The following KLHL1 variants were observed in gnomAD, a reference collection of about 807,000 sequenced individuals.
KLHL1 encodes kelch-like protein 1.
Under a neutral mutation model 77.7 loss-of-function variants are expected in KLHL1, and 47 were observed. The observed-to-expected ratio is 0.60, with a 90% CI of 0.48 to 0.77. The LOEUF is 0.77. KLHL1 is among the 30% of genes least tolerant of loss of function. KLHL1 has a pLI of 0.00. For missense variants in KLHL1, 925 were observed against 910.8 expected (o/e 1.02, Z -0.20); for synonymous variants, 360 against 325.2 (o/e 1.11, Z -1.15).
chr13:69,961,727 T>C (rs1031505278), intron 2 of KLHL1, among the ~76,000 whole-genome samples: 5 of 152,046 alleles, frequency 3.3e-5, no homozygotes, highest in African/African-American at 1.2e-4. Flanking sequence ...TAGTTTTCTT[T>C]ATGTAATGAC....
intron 3 of KLHL1, among the ~76,000 whole-genome samples, chr13:69,954,192 G>T (rs1173929367): frequency 6.6e-6 from 1 of 151,156 alleles, no homozygotes; most frequent in East Asian, 1.9e-4. Context: ...CACACTGAGT[G>T]GTAGTTGCAT....
chr13:69,739,457 C>G (rs896147377), intron 8 of KLHL1, among the ~76,000 whole-genome samples: 1 of 152,128 alleles, frequency 6.6e-6, no homozygotes, highest in Non-Finnish European at 1.5e-5. Flanking sequence ...CACAGAATGG[C>G]AAGCTGGATA....
At chr13:70,006,517 T>TC (rs899650722) in intron 1 of KLHL1, among the ~76,000 whole-genome samples, 9 of 151,516 alleles carry the variant, frequency 5.9e-5, no homozygotes, top group Admixed American at 2.0e-4. Flanking sequence ...TTTTTTTTTT[T>TC]CAAAGAGTTT....
At chr13:69,919,599 TG>T (rs1238190185) in intron 4 of KLHL1, among the ~76,000 whole-genome samples, 1 of 152,068 alleles carries the variant, frequency 6.6e-6, no homozygotes, top group African/African-American at 2.4e-5. Flanking sequence ...GCAACTAGTA[TG>T]GCCAGCCTTG....
intron 1 of KLHL1, among the ~76,000 whole-genome samples, chr13:69,992,522 A>G (rs1372039575): frequency 6.6e-6 from 1 of 152,076 alleles, no homozygotes; most frequent in African/African-American, 2.4e-5. Context: ...CGGATGGTTG[A>G]TGTTACTACA....
intron 4 of KLHL1, among the ~76,000 whole-genome samples, chr13:69,929,777 G>A (rs569681940): frequency 1.3e-5 from 2 of 151,694 alleles, no homozygotes; most frequent in South Asian, 2.1e-4. Flanking sequence ...CTATTTGCAC[G>A]GGATTATGGG....
intron 5 of KLHL1, among the ~76,000 whole-genome samples, chr13:69,850,425 C>A (rs1593886312): frequency 1.3e-5 from 2 of 151,588 alleles, no homozygotes; most frequent in Middle Eastern, 6.8e-3. Context: ...TCTCTTTGGT[C>A]AACCTCACAT....
At chr13:69,756,775 A>G (rs895830633) in intron 7 of KLHL1, among the ~76,000 whole-genome samples, 3 of 152,202 alleles carry the variant, frequency 2.0e-5, no homozygotes, top group African/African-American at 7.2e-5. Context: ...AGAAACAATT[A>G]TAACTAAATG....
intron 1 of KLHL1, among the ~76,000 whole-genome samples, chr13:70,093,508 G>GA (rs1461733288): frequency 6.6e-6 from 1 of 151,930 alleles, no homozygotes; most frequent in Admixed American, 6.6e-5. Flanking sequence ...GCACTTTAAA[G>GA]AAAAAATATC....
intron 6 of KLHL1, among the ~76,000 whole-genome samples, chr13:69,814,935 C>T (rs1448058511): frequency 3.3e-5 from 5 of 152,002 alleles, no homozygotes; most frequent in Admixed American, 2.0e-4. Context: ...TGCTTGAACC[C>T]AGGAGGCGGA....
chr13:69,790,368 G>T (rs1214954889), intron 7 of KLHL1, among the ~76,000 whole-genome samples: 1 of 152,160 alleles, frequency 6.6e-6, no homozygotes. Context: ...CTCCTTCTCT[G>T]TAATGTTGTG....
intron 9 of KLHL1, among the ~76,000 whole-genome samples, chr13:69,712,399 A>T (rs549601968): frequency 6.6e-6 from 1 of 152,204 alleles, no homozygotes; most frequent in Admixed American, 6.6e-5. Context: ...AATTTTCCAC[A>T]TGAGATATCC....
chr13:69,800,039 C>T (rs191350520), intron 6 of KLHL1, among the ~76,000 whole-genome samples: 30 of 152,198 alleles, frequency 2.0e-4, no homozygotes, highest in Non-Finnish European at 4.4e-5. Context: ...CCCCACTCTC[C>T]GACCCCTGTC....
chr13:69,997,076 C>G (rs1405847876), intron 1 of KLHL1, among the ~76,000 whole-genome samples: 2 of 151,010 alleles, frequency 1.3e-5, no homozygotes, highest in African/African-American at 4.9e-5. Flanking sequence ...CAAAAATTAG[C>G]TGGATGTGGT....
rs143901855 is a variant in KLHL1 at position 69,827,921 on chromosome 13, T to C, written c.1414+11055A>G. 5.6e-3 allele frequency among the ~76,000 whole-genome samples: 838 copies of C among 150,356 alleles called. 72 individuals carry two copies. The highest frequency in any genetic ancestry group is 0.019 in the African/African-American group (773 of 40,142). On this transcript the variant is annotated intron_variant, in intron 6 of 10. Coordinates refer to ENST00000377844, the MANE Select transcript of KLHL1 (RefSeq NM_020866.3). ...TCAAATTCAAAATGAGCTTGGAAAA[T>C]ACTCTCAAGATAAGTTTGTTGTTGG...
intron 1 of KLHL1, among the ~76,000 whole-genome samples, chr13:70,038,967 T>C (rs914931873): frequency 5.9e-5 from 9 of 152,140 alleles, no homozygotes; most frequent in African/African-American, 1.7e-4. Context: ...ATGACTACTA[T>C]TGTGGAAGCT....
chr13:70,079,859 C>A (rs777669995), intron 1 of KLHL1, among the ~76,000 whole-genome samples: 5 of 152,168 alleles, frequency 3.3e-5, no homozygotes, highest in Admixed American at 6.5e-5. Flanking sequence ...AAGTCCATAC[C>A]TTGTGTGATT....
chr13:70,032,823 G>T (rs917551003), intron 1 of KLHL1, among the ~76,000 whole-genome samples: 8 of 152,112 alleles, frequency 5.3e-5, no homozygotes, highest in Non-Finnish European at 1.2e-4. Flanking sequence ...TGTCATAATT[G>T]AAATTTTAGA....
At chr13:69,815,169 G>C (rs1225416777) in intron 6 of KLHL1, among the ~76,000 whole-genome samples, 1 of 152,158 alleles carries the variant, frequency 6.6e-6, no homozygotes, top group Non-Finnish European at 1.5e-5. Context: ...ACTAAAAACA[G>C]AATTAGTATT....
Sources: gnomAD v4.1 joint callset for allele counts (sites outside exome capture counted in the v4.1 genomes callset) on GRCh38, gnomAD v4.1.1 for gene constraint, MANE v1.5 for transcripts, NCBI Gene and HGNC (gene_info 2026-07-23, HGNC 2026-07-21) for gene names.